The following AKNA variants were observed in gnomAD, a reference collection of about 807,000 sequenced individuals.
The protein encoded by AKNA is AT-hook transcription factor, also known as microtubule organization protein AKNA.
AKNA carries 67 observed loss-of-function variants against 138.8 expected under a neutral mutation model. The observed-to-expected ratio is 0.48, with a 90% CI of 0.40 to 0.59. AKNA has a LOEUF of 0.59. Ranked by LOEUF, AKNA falls within the 20% of genes least tolerant of loss-of-function variation. AKNA has a pLI of 0.00. For synonymous variants in AKNA, 737 were observed against 754.4 expected (o/e 0.98, Z 0.38); for missense variants, 1,813 against 1,880.4 (o/e 0.96, Z 0.66).
At chr9:114,341,821 C>T in intron 20 of AKNA, 96 bp from the exon 21 acceptor site, 1 of 1,394,284 alleles carries the variant, frequency 7.2e-7, no homozygotes, top group Non-Finnish European at 9.7e-7. Context: ...CCTATGAGAG[C>T]TGGACAGGCC....
At chr9:114,381,515 T>C in intron 1 of AKNA, 69 bp from the exon 2 acceptor site, 1 of 1,281,692 alleles carries the variant, frequency 7.8e-7, no homozygotes, top group Non-Finnish European at 9.9e-7. Flanking sequence ...GAACAAGAAG[T>C]TACCAGCAGG....
chr9:114,368,089 C>T (rs535555864), intron 5 of AKNA: 1 of 288,654 alleles, frequency 3.5e-6, no homozygotes, highest in East Asian at 6.0e-5. Context: ...ACAGTGCACA[C>T]CTCAGCGGGT....
chr9:114,364,053 T>C (rs920309614), intron 7 of AKNA, among the ~76,000 whole-genome samples: 2 of 152,056 alleles, frequency 1.3e-5, no homozygotes, highest in Non-Finnish European at 2.9e-5. Flanking sequence ...TTCCAAACTT[T>C]TGGCAACTAT....
chr9:114,348,123 T>C (rs565429363), intron 15 of AKNA, among the ~76,000 whole-genome samples: 2 of 152,198 alleles, frequency 1.3e-5, no homozygotes, highest in Non-Finnish European at 2.9e-5. Context: ...AAAACAGAAC[T>C]TTTCTTTGAA....
downstream of AKNA, chr9:114,331,657 G>C: frequency 1.2e-6 from 2 of 1,613,702 alleles, no homozygotes; most frequent in Non-Finnish European, 1.7e-6. Context: ...GAGAAGAACT[G>C]GGGGCTGTCT....
chr9:114,368,529 T>TC lies in AKNA; in HGVS notation c.1482dup (p.Thr495AspfsTer61), dbSNP rs1294507961. ...GGGATGGTGAAGGACAAGACCTTGG[T>TC]CCCCTGGGGCACCATTCCCGTGTGG... On this transcript the variant is annotated frameshift_variant, in exon 5 of 22. Coordinates refer to ENST00000374088, the MANE Select transcript of AKNA (RefSeq NM_001317950.2). LOFTEE classifies it high-confidence loss of function. 7.2e-7 allele frequency: 1 copy of TC among 1,379,410 alleles called. No homozygotes were observed. The highest frequency in any genetic ancestry group is 9.4e-7 in the Non-Finnish European group (1 of 1,058,790). 85.4% of individuals were successfully genotyped at this position (1,379,410 alleles called of 1,614,324 possible).
At chr9:114,350,307 C>T (rs1368245738) in intron 15 of AKNA, among the ~76,000 whole-genome samples, 1 of 152,170 alleles carries the variant, frequency 6.6e-6, no homozygotes, top group Non-Finnish European at 1.5e-5. Flanking sequence ...CACCACCGAG[C>T]AGTCTCCCCA....
At chr9:114,397,913 GCTC>G (rs1337410467), upstream of AKNA, among the ~76,000 whole-genome samples, 15 of 152,160 alleles carry the variant, frequency 9.9e-5, no homozygotes, top group Non-Finnish European at 2.9e-5. Flanking sequence ...AGCGCGCGCG[GCTC>G]CGAGGGCCGC....
chr9:114,395,373 A>G (rs1335830965), upstream of AKNA, among the ~76,000 whole-genome samples: 1 of 151,812 alleles, frequency 6.6e-6, no homozygotes, highest in Non-Finnish European at 1.5e-5. Context: ...TTACCCCCCA[A>G]TCCCTTGGCA....
chr9:114,353,034 TG>T (rs1831241995), intron 14 of AKNA, among the ~76,000 whole-genome samples: 1 of 152,186 alleles, frequency 6.6e-6, no homozygotes, highest in Non-Finnish European at 1.5e-5. Flanking sequence ...AGTGAGGTTC[TG>T]GGGTTCAGAT....
At chr9:114,364,759 G>T in intron 6 of AKNA, 140 bp from the exon 7 acceptor site, 1 of 809,244 alleles carries the variant, frequency 1.2e-6, no homozygotes, top group African/African-American at 1.7e-5. Context: ...GGAGACGTGG[G>T]TGCTGGGAAC....
chr9:114,378,919 T>C (rs1833436198), intron 2 of AKNA, among the ~76,000 whole-genome samples: 1 of 152,232 alleles, frequency 6.6e-6, no homozygotes, highest in South Asian at 2.1e-4. Flanking sequence ...TTCAGGCAGA[T>C]GCACCTTTGT....
At chr9:114,389,748 C>T (rs1248467035), upstream of AKNA, among the ~76,000 whole-genome samples, 4 of 152,210 alleles carry the variant, frequency 2.6e-5, no homozygotes, top group Admixed American at 2.6e-4. Context: ...GCCTGGCACA[C>T]TGTTTATGGC....
At position 114,372,416 on chromosome 9, in the gene AKNA, G is replaced by A. The variant is rs116223333; in HGVS notation, c.1416+1677C>T. ...GCTGTGCTCCCCCGTGTCCACCCCC[G>A]CCTGTCACTGTGGCTGGCACACAAG... On this transcript the variant is annotated intron_variant, in intron 4 of 21. Coordinates refer to ENST00000374088, the MANE Select transcript of AKNA (RefSeq NM_001317950.2). 3.4e-3 allele frequency among the ~76,000 whole-genome samples: 520 copies of A among 152,266 alleles called. 8 individuals carry two copies. The highest frequency in any genetic ancestry group is 0.012 in the African/African-American group (488 of 41,552).
intron 9 of AKNA, among the ~76,000 whole-genome samples, chr9:114,361,244 CT>C (rs200310179): frequency 0.026 from 3,943 of 152,314 alleles, 60 homozygotes; most frequent in Non-Finnish European, 0.042. Context: ...GCCACAGGGC[CT>C]TTGCACAAGC....
intron 6 of AKNA, among the ~76,000 whole-genome samples, chr9:114,365,270 C>T (rs1007655309): frequency 3.3e-5 from 5 of 152,158 alleles, no homozygotes; most frequent in Admixed American, 6.5e-5. Flanking sequence ...AATGTGAATT[C>T]GTTGCCTACC....
chr9:114,388,034 C>A, upstream of AKNA: 1 of 271,624 alleles, frequency 3.7e-6, no homozygotes, highest in South Asian at 2.7e-5. Flanking sequence ...CCTCTCCCCG[C>A]CCCTGCCGTG....
chr9:114,339,340 G>A (rs1023067116), intron 21 of AKNA, among the ~76,000 whole-genome samples: 7 of 152,202 alleles, frequency 4.6e-5, no homozygotes, highest in African/African-American at 1.2e-4. Context: ...CACTGGGCCC[G>A]TTCAGTCCTG....
Position 114,377,230 on chromosome 9 carries a change from C to G in AKNA, c.577G>C (p.Val193Leu), listed in dbSNP as rs189512191. Reference sequence around the variant, plus strand: ...CAGGACCTTGCCGGGCTGAGTTCAACGGATGGGTTGACCTCGGAATGTTCA... The same window carrying G: ...CAGGACCTTGCCGGGCTGAGTTCAAGGGATGGGTTGACCTCGGAATGTTCA... ...LSEHSEVNPS[V>L]ELSPARSWSS... Residue 193 changes from valine to leucine, a missense_variant, in exon 3 of 22, where the codon GTT (valine) becomes CTT (leucine). Val to Leu is a conservative substitution (Grantham distance 32, BLOSUM62 1). Coordinates refer to ENST00000374088, the MANE Select transcript of AKNA (RefSeq NM_001317950.2). 89 of 1,614,190 alleles carry G rather than the reference C, an allele frequency of 5.5e-5. No individual in the cohort carries two copies. The East Asian group carries it at 1.8e-3, about 34-fold the overall frequency.
Sources: gnomAD v4.1 joint callset for allele counts (sites outside exome capture counted in the v4.1 genomes callset) on GRCh38, gnomAD v4.1.1 for gene constraint, MANE v1.5 for transcripts, NCBI Gene and HGNC (gene_info 2026-07-23, HGNC 2026-07-21) for gene names.